The following SEMA3E variants were observed in gnomAD, a reference collection of about 807,000 sequenced individuals.
SEMA3E encodes the protein semaphorin 3E.
SEMA3E carries 49 observed loss-of-function variants against 93.6 expected under a neutral mutation model. The ratio of observed to expected loss-of-function variants is 0.52; its 90% CI spans 0.42 to 0.66. SEMA3E has a LOEUF of 0.66. Ranked by LOEUF, SEMA3E falls within the 30% of genes least tolerant of loss-of-function variation. SEMA3E has a pLI of 0.00. For missense variants in SEMA3E, 906 were observed against 964.8 expected (o/e 0.94, Z 0.81); for synonymous variants, 363 against 330.7 (o/e 1.10, Z -1.06).
At position 83,396,525 on chromosome 7, in the gene SEMA3E, G is replaced by T. The variant is rs73707820; in HGVS notation, c.1458+113C>A. 1.2e-3 allele frequency: 775 copies of T among 667,272 alleles called. 7 individuals are homozygous for T. In the African/African-American group the frequency reaches 0.012, roughly 10 times the overall value. 41.3% of individuals were successfully genotyped at this position (667,272 alleles called of 1,614,324 possible). On this transcript the variant is annotated intron_variant, in intron 12 of 16. Transcript: ENST00000643230. Reference sequence around the variant, plus strand: ...ATAATTCTTCACTTATATTAGCTCTGAATCCACAACATACCTGTTAGGGAA... The same window carrying T: ...ATAATTCTTCACTTATATTAGCTCTTAATCCACAACATACCTGTTAGGGAA...
chr7:83,546,124 T>C (rs961004382), intron 1 of SEMA3E, among the ~76,000 whole-genome samples: 2 of 149,390 alleles, frequency 1.3e-5, no homozygotes, highest in African/African-American at 4.9e-5. Context: ...AAAGAAAAAC[T>C]GCAGGCTTTT....
intron 1 of SEMA3E, among the ~76,000 whole-genome samples, chr7:83,568,845 G>A (rs12112941): frequency 2.0e-5 from 3 of 151,932 alleles, no homozygotes; most frequent in Non-Finnish European, 4.4e-5. Context: ...ACTCTTCCTA[G>A]TCAACATAGT....
At chr7:83,472,601 C>T (rs62476981) in intron 2 of SEMA3E, among the ~76,000 whole-genome samples, 15,643 of 152,230 alleles carry the variant, frequency 0.1, 991 homozygotes, top group Non-Finnish European at 0.14. Context: ...GGAGCACCAT[C>T]TGATGTATCA....
At chr7:83,468,561 T>G (rs1161339700) in intron 3 of SEMA3E, among the ~76,000 whole-genome samples, 1 of 152,088 alleles carries the variant, frequency 6.6e-6, no homozygotes, top group Non-Finnish European at 1.5e-5. Context: ...GTTTTTTTTT[T>G]TTTAACTGAA....
At chr7:83,640,948 A>G (rs897800152) in intron 1 of SEMA3E, among the ~76,000 whole-genome samples, 18 of 152,062 alleles carry the variant, frequency 1.2e-4, no homozygotes, top group Non-Finnish European at 2.6e-4. Context: ...GGAAGAAGAG[A>G]AAGAGAAAGA....
intron 16 of SEMA3E, among the ~76,000 whole-genome samples, chr7:83,382,423 A>G (rs1165484705): frequency 3.3e-5 from 5 of 152,008 alleles, no homozygotes; most frequent in African/African-American, 1.2e-4. Context: ...TGTATGAGCT[A>G]TAACTCTCTG....
At chr7:83,531,141 A>G (rs962555508) in intron 1 of SEMA3E, among the ~76,000 whole-genome samples, 1 of 151,964 alleles carries the variant, frequency 6.6e-6, no homozygotes, top group Non-Finnish European at 1.5e-5. Context: ...AAATAAAATC[A>G]TCTTGCCCTA....
intron 2 of SEMA3E, among the ~76,000 whole-genome samples, chr7:83,481,305 T>C (rs1331064785): frequency 1.3e-5 from 2 of 152,116 alleles, no homozygotes; most frequent in Admixed American, 6.5e-5. Flanking sequence ...ACTTAGACAA[T>C]AGTTTTCTTT....
rs568482716 is a variant in SEMA3E at position 83,526,276 on chromosome 7, G to A, written c.116-36002C>T. Among the ~76,000 whole-genome samples, 5 of 152,136 alleles carry A rather than the reference G, an allele frequency of 3.3e-5. No individual in the cohort carries two copies. The East Asian group carries it at 9.7e-4, about 29-fold the overall frequency. On this transcript the variant is annotated intron_variant, in intron 1 of 16. Coordinates refer to ENST00000643230, the MANE Select transcript of SEMA3E (RefSeq NM_012431.3). ...CAGAGAGATGGTTTTTAAACACATAGCAGCACAGCATCTGTCTTGATATTT... is the reference window on the plus strand; with the variant it reads ...CAGAGAGATGGTTTTTAAACACATAACAGCACAGCATCTGTCTTGATATTT...
intron 13 of SEMA3E, among the ~76,000 whole-genome samples, chr7:83,393,021 AAGAG>A (rs1192158431): frequency 4.3e-5 from 6 of 138,892 alleles, no homozygotes; most frequent in African/African-American, 8.0e-5. Flanking sequence ...CCTGGGCGAC[AAGAG>A]AGAAACTCCA....
intron 10 of SEMA3E, 31 bp from the exon 11 acceptor site, chr7:83,400,281 T>C: frequency 6.3e-7 from 1 of 1,597,662 alleles, no homozygotes; most frequent in Non-Finnish European, 8.6e-7. Flanking sequence ...ATAATTCTTT[T>C]TGCTTTACAC....
At chr7:83,539,641 T>G (rs74350520) in intron 1 of SEMA3E, among the ~76,000 whole-genome samples, 3,537 of 152,196 alleles carry the variant, frequency 0.023, 141 homozygotes, top group African/African-American at 0.081. Context: ...GCGAAATCCT[T>G]TCTTATGCTT....
chr7:83,577,596 T>C (rs765140140), intron 1 of SEMA3E, among the ~76,000 whole-genome samples: 11 of 152,190 alleles, frequency 7.2e-5, no homozygotes, highest in Non-Finnish European at 1.5e-4. Context: ...AAATCAATTA[T>C]ATTCTAATAA....
chr7:83,607,363 C>T (rs1370993935), intron 1 of SEMA3E, among the ~76,000 whole-genome samples: 1 of 152,172 alleles, frequency 6.6e-6, no homozygotes, highest in African/African-American at 2.4e-5. Context: ...ACTCACTGAG[C>T]ATGTTCTTTA....
intron 1 of SEMA3E, among the ~76,000 whole-genome samples, chr7:83,510,671 T>C (rs1173781462): frequency 1.3e-5 from 2 of 152,266 alleles, no homozygotes; most frequent in East Asian, 3.9e-4. Flanking sequence ...TTATCAATTG[T>C]TATGATTTTT....
chr7:83,576,684 G>A (rs1335662122), intron 1 of SEMA3E, among the ~76,000 whole-genome samples: 1 of 152,024 alleles, frequency 6.6e-6, no homozygotes, highest in Non-Finnish European at 1.5e-5. Flanking sequence ...GGAGTGCAGT[G>A]GTGCAGTCTT....
chr7:83,632,085 G>A (rs1793796502), intron 1 of SEMA3E, among the ~76,000 whole-genome samples: 1 of 151,470 alleles, frequency 6.6e-6, no homozygotes, highest in Admixed American at 6.6e-5. Context: ...AACCTGGGAG[G>A]CAGAGGTTGC....
At chr7:83,576,885 G>A (rs1370677412) in intron 1 of SEMA3E, among the ~76,000 whole-genome samples, 3 of 152,134 alleles carry the variant, frequency 2.0e-5, no homozygotes, top group Non-Finnish European at 4.4e-5. Flanking sequence ...GCCTCCCAAA[G>A]TGCTGAGATT....
In SEMA3E at chr7:83,516,924, T is replaced by C. The variant is rs141245112; in HGVS notation, c.116-26650A>G. ...ACTCATAAACACATACATGCATTTATTGAGTATATATAGCATATATTTATA... is the reference window on the plus strand; with the variant it reads ...ACTCATAAACACATACATGCATTTACTGAGTATATATAGCATATATTTATA... On this transcript the variant is annotated intron_variant, in intron 1 of 16. Transcript: ENST00000643230. 2.8e-3 allele frequency among the ~76,000 whole-genome samples: 418 copies of C among 149,650 alleles called. 1 individual carries two copies. The highest frequency in any genetic ancestry group is 9.4e-3 in the African/African-American group (385 of 41,064).
Sources: gnomAD v4.1 joint callset for allele counts (sites outside exome capture counted in the v4.1 genomes callset) on GRCh38, gnomAD v4.1.1 for gene constraint, MANE v1.5 for transcripts, NCBI Gene and HGNC (gene_info 2026-07-23, HGNC 2026-07-21) for gene names.